Variants in CNTNAP5 observed in about 807,000 individuals in gnomAD.
The protein encoded by CNTNAP5 is contactin-associated protein-like 5.
CNTNAP5 carries 72 observed loss-of-function variants against 150.2 expected under a neutral mutation model. The observed-to-expected ratio is 0.48, with a 90% CI of 0.40 to 0.58. CNTNAP5 has a LOEUF of 0.58. CNTNAP5 is among the 20% of genes least tolerant of loss of function. The probability of loss-of-function intolerance (pLI) is 0.00; values close to 1 mark genes in which losing one functional copy is unlikely to be tolerated. For missense variants in CNTNAP5, 1,636 were observed against 1,626.2 expected (o/e 1.01, Z -0.10); for synonymous variants, 672 against 619.8 (o/e 1.08, Z -1.25).
chr2:124,729,704 C>T (rs1426840584), intron 13 of CNTNAP5, among the ~76,000 whole-genome samples: 1 of 151,982 alleles, frequency 6.6e-6, no homozygotes, highest in Non-Finnish European at 1.5e-5. Context: ...ATAGTTGTTA[C>T]TCAAAGTTCT....
chr2:124,764,900 G>T (rs535391526), intron 16 of CNTNAP5, among the ~76,000 whole-genome samples: 2 of 152,028 alleles, frequency 1.3e-5, no homozygotes, highest in African/African-American at 4.8e-5. Context: ...GCTCTGTTGC[G>T]ATCATAGTAA....
chr2:124,473,274 A>G (rs1172469578), intron 6 of CNTNAP5, among the ~76,000 whole-genome samples: 1 of 95,510 alleles, frequency 1.0e-5, no homozygotes, highest in African/African-American at 3.3e-5. Flanking sequence ...GAAAAATCAA[A>G]TATTTAAAAA....
intron 10 of CNTNAP5, among the ~76,000 whole-genome samples, chr2:124,546,115 G>T (rs971427929): frequency 6.6e-6 from 1 of 151,980 alleles, no homozygotes; most frequent in South Asian, 2.1e-4. Flanking sequence ...CAACACCCCA[G>T]TTGGATAAAA....
chr2:124,663,499 T>C (rs1678635273), intron 13 of CNTNAP5, among the ~76,000 whole-genome samples: 1 of 152,212 alleles, frequency 6.6e-6, no homozygotes, highest in African/African-American at 2.4e-5. Context: ...TTTATCTGTA[T>C]ATTCAGCACA....
At chr2:124,218,720 G>T (rs1041021089) in intron 1 of CNTNAP5, among the ~76,000 whole-genome samples, 5 of 152,174 alleles carry the variant, frequency 3.3e-5, no homozygotes, top group Non-Finnish European at 7.4e-5. Context: ...TGGAAGCTTA[G>T]TTCTCCTGGA....
intron 3 of CNTNAP5, among the ~76,000 whole-genome samples, chr2:124,388,816 G>T (rs1050136193): frequency 1.3e-5 from 2 of 152,144 alleles, no homozygotes; most frequent in Non-Finnish European, 2.9e-5. Flanking sequence ...GAGTAGCTGG[G>T]ATTGTGGGTG....
chr2:124,148,946 A>G (rs746651210), intron 1 of CNTNAP5, among the ~76,000 whole-genome samples: 2 of 152,228 alleles, frequency 1.3e-5, no homozygotes, highest in Non-Finnish European at 2.9e-5. Flanking sequence ...ATACACATAT[A>G]TAGGCACACA....
chr2:124,504,802 G>A (rs1039384422), intron 8 of CNTNAP5, among the ~76,000 whole-genome samples: 6 of 150,536 alleles, frequency 4.0e-5, no homozygotes, highest in African/African-American at 1.5e-4. Context: ...CGACTCCTGG[G>A]TTCAAGTGAT....
At chr2:124,577,150 A>G (rs948874693) in intron 11 of CNTNAP5, among the ~76,000 whole-genome samples, 2 of 152,132 alleles carry the variant, frequency 1.3e-5, no homozygotes, top group Non-Finnish European at 2.9e-5. Flanking sequence ...GCTCTCAATG[A>G]TCCTACTATG....
intron 1 of CNTNAP5, among the ~76,000 whole-genome samples, chr2:124,102,181 T>C (rs1197605899): frequency 6.6e-6 from 1 of 152,140 alleles, no homozygotes; most frequent in Non-Finnish European, 1.5e-5. Flanking sequence ...TAAAGCAACC[T>C]TTGCGTTGTC....
intron 19 of CNTNAP5, among the ~76,000 whole-genome samples, chr2:124,809,478 C>T (rs1158374978): frequency 6.6e-6 from 1 of 151,614 alleles, no homozygotes; most frequent in Non-Finnish European, 1.5e-5. Flanking sequence ...ATGATCATAG[C>T]TCACTGCAGC....
intron 1 of CNTNAP5, among the ~76,000 whole-genome samples, chr2:124,142,125 C>A (rs1573786011): frequency 7.2e-6 from 1 of 139,502 alleles, no homozygotes; most frequent in African/African-American, 2.8e-5. Context: ...TACAGGAGCA[C>A]CCAGATTCAT....
chr2:124,520,238 T>C (rs1694821101), intron 8 of CNTNAP5, among the ~76,000 whole-genome samples: 1 of 152,246 alleles, frequency 6.6e-6, no homozygotes, highest in African/African-American at 2.4e-5. Flanking sequence ...GAATAAACCA[T>C]ATTTGCTTTA....
At chr2:124,909,826 C>CATAT (rs368913883) in intron 22 of CNTNAP5, among the ~76,000 whole-genome samples, 7,017 of 74,296 alleles carry the variant, frequency 0.094, 485 homozygotes, top group Admixed American at 0.16. Flanking sequence ...CAATTGGTGA[C>CATAT]ATATATATAT....
chr2:124,202,216 C>T (rs944908102), intron 1 of CNTNAP5, among the ~76,000 whole-genome samples: 7 of 151,994 alleles, frequency 4.6e-5, no homozygotes, highest in African/African-American at 1.7e-4. Flanking sequence ...TTTGTTATGG[C>T]CCCTATAGTT....
chr2:124,809,446 G>A (rs534796326), intron 19 of CNTNAP5, among the ~76,000 whole-genome samples: 6 of 148,522 alleles, frequency 4.0e-5, no homozygotes, highest in East Asian at 2.0e-4. Context: ...TCTCTCTCTC[G>A]CCCAGGCTGC....
At chr2:124,426,093 T>C (rs1692231912) in intron 4 of CNTNAP5, among the ~76,000 whole-genome samples, 1 of 152,158 alleles carries the variant, frequency 6.6e-6, no homozygotes, top group African/African-American at 2.4e-5. Flanking sequence ...CGAGTCTTAC[T>C]GTTAGAGCTA....
At chr2:124,306,678 A>G (rs1385911939) in intron 3 of CNTNAP5, among the ~76,000 whole-genome samples, 2 of 146,718 alleles carry the variant, frequency 1.4e-5, no homozygotes, top group African/African-American at 2.6e-5. Flanking sequence ...CATGGTCATC[A>G]TGGTCATGTA....
intron 14 of CNTNAP5, among the ~76,000 whole-genome samples, chr2:124,748,823 G>A (rs113723141): frequency 0.014 from 2,205 of 152,192 alleles, 55 homozygotes; most frequent in African/African-American, 0.05. Flanking sequence ...AACTCAAGCT[G>A]GCCGAAGTTA....
Sources: allele counts gnomAD v4.1 joint callset (sites outside exome capture counted in the v4.1 genomes callset), GRCh38; gene constraint gnomAD v4.1.1; transcripts MANE v1.5; gene names NCBI Gene and HGNC (gene_info 2026-07-23, HGNC 2026-07-21).